Variants in ATE1 observed in about 807,000 individuals in gnomAD.
ATE1 encodes the protein arginyl-tRNA--protein transferase 1.
In ATE1, 36 loss-of-function variants were observed where a neutral mutation model predicts 70.5. The ratio of observed to expected loss-of-function variants is 0.51; its 90% CI spans 0.39 to 0.67. ATE1 has a LOEUF of 0.67. Among genes scored for constraint, ATE1 ranks in the 30% least tolerant of loss-of-function variants. The pLI is 0.00. For missense variants in ATE1, 593 were observed against 629.5 expected (o/e 0.94, Z 0.62); for synonymous variants, 232 against 219.3 (o/e 1.06, Z -0.51).
At chr10:121,893,073 C>T (rs1323833078) in intron 7 of ATE1, among the ~76,000 whole-genome samples, 1 of 151,870 alleles carries the variant, frequency 6.6e-6, no homozygotes. Flanking sequence ...GTCAGGAGAT[C>T]GAGACCATCC....
chr10:121,828,391 C>G (rs185109960), intron 10 of ATE1, among the ~76,000 whole-genome samples: 1 of 152,322 alleles, frequency 6.6e-6, no homozygotes, highest in Admixed American at 6.5e-5. Flanking sequence ...GGCTAGAACT[C>G]AGCTAGGTGG....
chr10:121,827,006 T>C (rs1311544438), intron 10 of ATE1, among the ~76,000 whole-genome samples: 1 of 142,748 alleles, frequency 7.0e-6, no homozygotes, highest in East Asian at 2.1e-4. Context: ...TCTTTACTGT[T>C]GATGGGCAAT....
At chr10:121,834,403 C>G (rs1355769808) in intron 10 of ATE1, among the ~76,000 whole-genome samples, 1 of 152,030 alleles carries the variant, frequency 6.6e-6, no homozygotes, top group South Asian at 2.1e-4. Flanking sequence ...AGAAGGCAAG[C>G]AGGCATGGGG....
intron 8 of ATE1, among the ~76,000 whole-genome samples, chr10:121,852,037 C>T (rs779501072): frequency 6.6e-6 from 1 of 152,246 alleles, no homozygotes; most frequent in Non-Finnish European, 1.5e-5. Flanking sequence ...TACCCACCTG[C>T]TTCTATGTAC....
At chr10:121,919,246 G>A (rs957338703) in intron 3 of ATE1, among the ~76,000 whole-genome samples, 1 of 152,026 alleles carries the variant, frequency 6.6e-6, no homozygotes, top group African/African-American at 2.4e-5. Flanking sequence ...GAAGGTCTGC[G>A]GCTTCATTCT....
chr10:121,766,959 ACAAAGACAGTACAAAAAGACAGAAC>A (rs2135838708), intron 11 of ATE1, among the ~76,000 whole-genome samples: 1 of 152,316 alleles, frequency 6.6e-6, no homozygotes, highest in African/African-American at 2.4e-5. Flanking sequence ...TCCAAACTAG[ACAAAGACAGTACAAAAAGACAGAAC>A]CAAAAACCAG....
intron 10 of ATE1, among the ~76,000 whole-genome samples, chr10:121,810,265 TTTTGTTTG>T (rs978467837): frequency 6.6e-6 from 1 of 152,156 alleles, no homozygotes; most frequent in Non-Finnish European, 1.5e-5. Context: ...TAAATATGTT[TTTTGTTTG>T]TTTGTTTGTT....
intron 6 of ATE1, 50 bp from the exon 7 acceptor site, chr10:121,900,044 T>C: frequency 6.3e-7 from 1 of 1,598,690 alleles, no homozygotes; most frequent in Non-Finnish European, 8.5e-7. Context: ...CATTTATTCA[T>C]TCTGTGGAAT....
At chr10:121,864,762 T>A (rs893525139) in intron 8 of ATE1, among the ~76,000 whole-genome samples, 3 of 152,178 alleles carry the variant, frequency 2.0e-5, no homozygotes, top group Admixed American at 2.0e-4. Flanking sequence ...AAGGCTTTTT[T>A]AGGGATGTGG....
chr10:121,791,330 G>T (rs1451323767), intron 10 of ATE1, among the ~76,000 whole-genome samples: 3 of 151,848 alleles, frequency 2.0e-5, no homozygotes, highest in Non-Finnish European at 4.4e-5. Flanking sequence ...CTGACCTCAG[G>T]TGATCCGCCC....
intron 8 of ATE1, among the ~76,000 whole-genome samples, chr10:121,856,235 T>C (rs759930514): frequency 6.6e-6 from 1 of 151,868 alleles, no homozygotes; most frequent in Non-Finnish European, 1.5e-5. Context: ...TTAAAAATAA[T>C]ACAGGCATAC....
chr10:121,840,946 G>A (rs1948605448), intron 9 of ATE1, 136 bp downstream of exon 9: 1 of 744,056 alleles, frequency 1.3e-6, no homozygotes, highest in Non-Finnish European at 1.9e-6. Flanking sequence ...TGTATTCTAT[G>A]TAAGAGACTA....
chr10:121,773,606 G>A (rs1429264389), intron 11 of ATE1, among the ~76,000 whole-genome samples: 1 of 151,670 alleles, frequency 6.6e-6, no homozygotes, highest in East Asian at 1.9e-4. Flanking sequence ...AAACCTTTAC[G>A]AACTCTTCTT....
chr10:121,922,506 T>G (rs1951921715), intron 2 of ATE1, 95 bp from the exon 3 acceptor site: 1 of 735,642 alleles, frequency 1.4e-6, no homozygotes, highest in South Asian at 1.7e-5. Flanking sequence ...GTTAAAAATC[T>G]AATCAACATT....
chr10:121,833,595 TGATAA>T (rs947695686), intron 10 of ATE1, among the ~76,000 whole-genome samples: 84 of 150,332 alleles, frequency 5.6e-4, no homozygotes, highest in African/African-American at 2.0e-3. Context: ...AGTTGAAAAA[TGATAA>T]GATGGGGAAT....
chr10:121,892,738 C>T lies in ATE1; in HGVS notation c.942+7128G>A, dbSNP rs1192528279. ...CCATGTTGGCCAGGCTGGTCTCGAA[C>T]TCCTGACCTCAGGTGATCCACCTGC... On this transcript the variant is annotated intron_variant, in intron 7 of 11. Coordinates refer to ENST00000224652, the MANE Select transcript of ATE1 (RefSeq NM_001001976.3). 2.0e-5 allele frequency among the ~76,000 whole-genome samples: 3 copies of T among 152,178 alleles called. No individual in the cohort carries two copies. The East Asian group carries it at 5.9e-4, about 30-fold the overall frequency.
In ATE1 at chr10:121,902,501, G is replaced by A; in HGVS notation, c.703C>T (p.Gln235Ter). ...PAGELEGFQAQGHPPSLFPPK... is the reference protein window; with the variant it reads ...PAGELEGFQA ...GGAAACAAAGATGGTGGGTGACCTTGAGCCTGGAAACCCTCAAGTTCTCCA... is the reference window on the plus strand; with the variant it reads ...GGAAACAAAGATGGTGGGTGACCTTAAGCCTGGAAACCCTCAAGTTCTCCA... The change falls in exon 6 of 12, where the codon CAA (glutamine) becomes TAA (stop). Residue 235 changes from glutamine to a stop codon, truncating the protein, a stop_gained. Transcript: ENST00000224652. LOFTEE classifies it high-confidence loss of function. The A allele has an allele frequency of 6.2e-7, 1 of 1,614,202 alleles. No homozygotes were observed. The highest frequency in any genetic ancestry group is 8.5e-7 in the Non-Finnish European group (1 of 1,180,036).
intron 7 of ATE1, among the ~76,000 whole-genome samples, chr10:121,889,018 T>C (rs1279555719): frequency 1.3e-5 from 2 of 152,166 alleles, no homozygotes; most frequent in Non-Finnish European, 2.9e-5. Flanking sequence ...AACTTATTTA[T>C]TTATTTATTT....
At chr10:121,761,854 A>C (rs989806448) in intron 11 of ATE1, among the ~76,000 whole-genome samples, 4 of 152,172 alleles carry the variant, frequency 2.6e-5, no homozygotes, top group Non-Finnish European at 4.4e-5. Flanking sequence ...CCTTTTCACT[A>C]ACTTTTACAA....
Sources: gnomAD v4.1 joint callset for allele counts (sites outside exome capture counted in the v4.1 genomes callset) on GRCh38, gnomAD v4.1.1 for gene constraint, MANE v1.5 for transcripts, NCBI Gene and HGNC (gene_info 2026-07-23, HGNC 2026-07-21) for gene names.